Variants in MTSS1 observed in about 807,000 individuals in gnomAD.
MTSS1 encodes the protein protein MTSS 1.
In MTSS1, 18 loss-of-function variants were observed where a neutral mutation model predicts 79.0. The observed-to-expected ratio is 0.23, with a 90% CI of 0.16 to 0.34. MTSS1 has a LOEUF of 0.34. Ranked by LOEUF, MTSS1 falls within the 10% of genes least tolerant of loss-of-function variation. MTSS1 has a pLI of 1.00. For missense variants in MTSS1, 815 were observed against 986.2 expected, an observed-to-expected ratio of 0.83 and a Z score of 2.33; for synonymous variants, 341 against 368.6, an observed-to-expected ratio of 0.93 and a Z score of 0.86.
chr8:124,557,246 T>C (rs972773215), intron 11 of MTSS1, among the ~76,000 whole-genome samples: 8 of 152,166 alleles, frequency 5.3e-5, no homozygotes, highest in African/African-American at 9.7e-5. Flanking sequence ...GGGAGCTCAT[T>C]AGGGAAAATG....
At chr8:124,723,667 T>TA (rs1833273017) in intron 1 of MTSS1, among the ~76,000 whole-genome samples, 1 of 152,218 alleles carries the variant, frequency 6.6e-6, no homozygotes, top group African/African-American at 2.4e-5. Context: ...CTGTCGATTT[T>TA]ATGACATCTT....
At chr8:124,577,569 C>T (rs755134083) in intron 6 of MTSS1, 21 of 518,820 alleles carry the variant, frequency 4.0e-5, no homozygotes, top group Non-Finnish European at 8.1e-5. Context: ...ATTCAGACAT[C>T]TATGGATTCA....
At chr8:124,607,856 A>G (rs530817570) in intron 3 of MTSS1, among the ~76,000 whole-genome samples, 41 of 152,180 alleles carry the variant, frequency 2.7e-4, no homozygotes, top group Non-Finnish European at 3.4e-4. Context: ...GTTAACAGTT[A>G]TTATATATCT....
At chr8:124,608,435 TATC>T (rs1835218900) in intron 3 of MTSS1, among the ~76,000 whole-genome samples, 1 of 152,010 alleles carries the variant, frequency 6.6e-6, no homozygotes, top group African/African-American at 2.4e-5. Context: ...CCTCCAGCAA[TATC>T]ATGGCCTCGC....
chr8:124,714,823 T>C (rs1287699032), intron 1 of MTSS1, among the ~76,000 whole-genome samples: 1 of 152,112 alleles, frequency 6.6e-6, no homozygotes, highest in African/African-American at 2.4e-5. Flanking sequence ...ACTGACTGAT[T>C]CTCCACATCT....
At chr8:124,694,209 C>A (rs879747275) in intron 3 of MTSS1, among the ~76,000 whole-genome samples, 4 of 151,990 alleles carry the variant, frequency 2.6e-5, no homozygotes, top group East Asian at 3.9e-4. Context: ...CAGGGACTTG[C>A]GCGGAGTACA....
intron 3 of MTSS1, among the ~76,000 whole-genome samples, chr8:124,619,752 G>A (rs1361465998): frequency 6.6e-6 from 1 of 152,060 alleles, no homozygotes; most frequent in African/African-American, 2.4e-5. Context: ...GCACCAGAAG[G>A]GCTTCTAGGT....
intron 3 of MTSS1, among the ~76,000 whole-genome samples, chr8:124,602,815 G>C (rs947513077): frequency 5.9e-5 from 9 of 152,186 alleles, no homozygotes; most frequent in Non-Finnish European, 1.3e-4. Flanking sequence ...AGTGGAGAAA[G>C]GACAGTGTTC....
intron 3 of MTSS1, among the ~76,000 whole-genome samples, chr8:124,656,333 G>A (rs1448016152): frequency 1.3e-5 from 2 of 150,272 alleles, no homozygotes; most frequent in Non-Finnish European, 3.0e-5. Flanking sequence ...GCAAAATAAA[G>A]TTCTTAAGAG....
intron 3 of MTSS1, among the ~76,000 whole-genome samples, chr8:124,690,059 C>T (rs1827688612): frequency 6.6e-6 from 1 of 152,026 alleles, no homozygotes; most frequent in Admixed American, 6.6e-5. Flanking sequence ...ATGTAAACTG[C>T]CTAACAACAC....
At chr8:124,615,930 G>C (rs750425802) in intron 3 of MTSS1, among the ~76,000 whole-genome samples, 36 of 152,168 alleles carry the variant, frequency 2.4e-4, no homozygotes, top group Non-Finnish European at 1.8e-4. Context: ...CAGTGCCCCA[G>C]ACGCTATGGC....
intron 3 of MTSS1, among the ~76,000 whole-genome samples, chr8:124,633,947 A>G (rs1282488396): frequency 6.6e-6 from 1 of 152,196 alleles, no homozygotes; most frequent in African/African-American, 2.4e-5. Flanking sequence ...GGCAATTCAT[A>G]TAATTACTTC....
At chr8:124,649,762 G>GCTC (rs1389624758) in intron 3 of MTSS1, among the ~76,000 whole-genome samples, 2 of 152,052 alleles carry the variant, frequency 1.3e-5, no homozygotes, top group Non-Finnish European at 2.9e-5. Flanking sequence ...AGGACGCAAG[G>GCTC]CTCTCTCTGT....
At chr8:124,723,455 C>A (rs1307840752) in intron 1 of MTSS1, among the ~76,000 whole-genome samples, 1 of 152,122 alleles carries the variant, frequency 6.6e-6, no homozygotes, top group Non-Finnish European at 1.5e-5. Flanking sequence ...TTCACAGCAT[C>A]AAGCTAGAAG....
intron 6 of MTSS1, chr8:124,577,681 G>C (rs1329636793): frequency 2.0e-6 from 1 of 512,712 alleles, no homozygotes; most frequent in Non-Finnish European, 3.9e-6. Flanking sequence ...CCTACATTCT[G>C]TATTTCCTCA....
intron 3 of MTSS1, among the ~76,000 whole-genome samples, chr8:124,693,653 C>T (rs1041891295): frequency 6.6e-6 from 1 of 152,092 alleles, no homozygotes; most frequent in Non-Finnish European, 1.5e-5. Context: ...CCGGCGTCCA[C>T]CTGCCTTCCT....
chr8:124,724,515 C>T (rs1042232230), intron 1 of MTSS1, among the ~76,000 whole-genome samples: 2 of 152,140 alleles, frequency 1.3e-5, no homozygotes, highest in African/African-American at 4.8e-5. Flanking sequence ...CGCAGCAGGC[C>T]CAGTTCAGCT....
At chr8:124,603,915 T>C (rs1479988814) in intron 3 of MTSS1, among the ~76,000 whole-genome samples, 1 of 152,136 alleles carries the variant, frequency 6.6e-6, no homozygotes, top group Non-Finnish European at 1.5e-5. Flanking sequence ...CATGGAAGAA[T>C]TGTCTTGGGC....
At chr8:124,557,653 G>T in intron 11 of MTSS1, 28 bp downstream of exon 11, 1 of 1,537,786 alleles carries the variant, frequency 6.5e-7, no homozygotes, top group Non-Finnish European at 8.8e-7. Context: ...GCAATGACGG[G>T]GAGAGGAGGA....
Sources: gnomAD v4.1 joint callset for allele counts (sites outside exome capture counted in the v4.1 genomes callset) on GRCh38, gnomAD v4.1.1 for gene constraint, MANE v1.5 for transcripts, NCBI Gene and HGNC (gene_info 2026-07-23, HGNC 2026-07-21) for gene names.